MDN1: variants seen among roughly 807,000 people sequenced by gnomAD.
MDN1 encodes midasin AAA ATPase 1.
A neutral mutation model predicts 669.2 loss-of-function variants in MDN1; 266 were observed. The observed-to-expected ratio is 0.40, with a 90% confidence interval of 0.36 to 0.44. MDN1 has a LOEUF of 0.44. Ranked by LOEUF, MDN1 falls within the 20% of genes least tolerant of loss-of-function variation. The pLI is 1.00. For missense variants in MDN1, 5,940 were observed against 6,754.0 expected (o/e 0.88, Z 4.22); for synonymous variants, 2,385 against 2,457.1 (o/e 0.97, Z 0.87).
chr6:89,660,489 G>T lies in MDN1; in HGVS notation c.14713+942C>A, dbSNP rs187331845. On this transcript the variant is annotated intron_variant, in intron 88 of 101. Transcript: ENST00000369393. ...ACAAGCCTCTGCAACCAGCCTACTGGGTTTTTTTTTCCCATTATCTATTAT... is the reference window on the plus strand; with the variant it reads ...ACAAGCCTCTGCAACCAGCCTACTGTGTTTTTTTTTCCCATTATCTATTAT... 4.6e-3 allele frequency among the ~76,000 whole-genome samples: 684 copies of T among 148,984 alleles called. 8 individuals carry two copies. Among genetic ancestry groups the T allele is most frequent in the African/African-American group, 0.014 (585 of 40,646 alleles).
chr6:89,802,487 A>T (rs1167823986), intron 2 of MDN1, among the ~76,000 whole-genome samples: 1 of 152,244 alleles, frequency 6.6e-6, no homozygotes, highest in Non-Finnish European at 1.5e-5. Context: ...GATTGAGACC[A>T]TCCTGGCCAA....
chr6:89,814,782 G>A (rs912791875), intron 1 of MDN1: 2 of 433,498 alleles, frequency 4.6e-6, no homozygotes, highest in Non-Finnish European at 9.2e-6. Context: ...GTTAGCCATT[G>A]GGAGATCTCC....
Position 89,689,981 on chromosome 6 carries a change from G to A in MDN1, c.10912C>T (p.Leu3638Phe), listed in dbSNP as rs1418215485. ...QQLCLNFARSLWYQQTLPPHE... is the reference protein window; with the variant it reads ...QQLCLNFARSFWYQQTLPPHE... ...GGCGGCAGAGTCTGTTGATACCAGA[G>A]GGATCGAGCAAAGTTGAGACACAAT... is the stretch of plus-strand genomic sequence containing the variant. The change falls in exon 65 of 102, where the codon CTC becomes TTC. Residue 3638 changes from leucine (L) to phenylalanine (F), a missense_variant. Leu to Phe is a conservative substitution (Grantham distance 22). Coordinates refer to ENST00000369393, the MANE Select transcript of MDN1 (RefSeq NM_014611.3). 3 of 1,614,076 alleles carry A rather than the reference G, an allele frequency of 1.9e-6. No homozygotes were observed. Among genetic ancestry groups the A allele is most frequent in the African/African-American group, 2.7e-5 (2 of 74,928 alleles).
chr6:89,719,122 C>T lies in MDN1; in HGVS notation c.6057+14G>A. On this transcript the variant is annotated intron_variant, in intron 41 of 101. Transcript: ENST00000369393. ...AAAATGTCAAAGGATAGAGGATTAT[C>T]CTAGTCTCCTTACCTGAACATCATA... The T allele has an allele frequency of 6.2e-7, 1 of 1,612,244 alleles. No homozygotes were observed. Among genetic ancestry groups the T allele is most frequent in the South Asian group, 1.1e-5 (1 of 91,026 alleles).
chr6:89,788,153 T>C (rs796885374), intron 7 of MDN1, among the ~76,000 whole-genome samples, 196 bp from the exon 8 acceptor site: 2 of 152,254 alleles, frequency 1.3e-5, no homozygotes, highest in African/African-American at 4.8e-5. Context: ...ACACTCGACA[T>C]TCACGAGTGC....
intron 1 of MDN1, among the ~76,000 whole-genome samples, chr6:89,808,699 T>TG (rs1379257070): frequency 1.3e-5 from 2 of 152,154 alleles, no homozygotes; most frequent in African/African-American, 4.8e-5. Context: ...GGACCACCAC[T>TG]GCTGAACTTC....
At chr6:89,815,913 C>T (rs530525918) in intron 1 of MDN1, among the ~76,000 whole-genome samples, 2 of 152,312 alleles carry the variant, frequency 1.3e-5, no homozygotes, top group South Asian at 4.1e-4. Context: ...GGCTTAAACC[C>T]TGGGCTCACA....
At chr6:89,665,475 G>A (rs1238525329) in intron 84 of MDN1, among the ~76,000 whole-genome samples, 1 of 152,090 alleles carries the variant, frequency 6.6e-6, no homozygotes, top group Non-Finnish European at 1.5e-5. Context: ...TTGGGAGGCT[G>A]AGGCGGGTGG....
At chr6:89,750,234 A>G in intron 24 of MDN1, 120 bp downstream of exon 24, 1 of 1,011,274 alleles carries the variant, frequency 9.9e-7, no homozygotes, top group Non-Finnish European at 1.5e-6. Context: ...GCATCAAGAA[A>G]AGCCGGCTGT....
chr6:89,794,994 CAG>C lies in MDN1; in HGVS notation c.330-195_330-194del, dbSNP rs1819502350. Among the ~76,000 whole-genome samples, 4 of 152,128 alleles carry C rather than the reference CAG, an allele frequency of 2.6e-5. No individual in the cohort carries two copies. The South Asian group carries it at 8.3e-4, about 31-fold the overall frequency. ...TCTCTACTCTGACCAAACCACAAAACAGAACTCCCAAGGGTCTGAGAACATAG... is the reference window on the plus strand; with the variant it reads ...TCTCTACTCTGACCAAACCACAAAACAACTCCCAAGGGTCTGAGAACATAG... On this transcript the variant is annotated intron_variant, in intron 2 of 101. Transcript: ENST00000369393.
chr6:89,684,256 T>C (rs1443178602), intron 71 of MDN1, among the ~76,000 whole-genome samples: 3 of 151,966 alleles, frequency 2.0e-5, no homozygotes, highest in East Asian at 1.9e-4. Context: ...GGCAGGAGAA[T>C]TGCTTGAACC....
chr6:89,783,326 G>GTTAAGATAAGGACC (rs1683097463), intron 9 of MDN1, among the ~76,000 whole-genome samples: 3 of 152,116 alleles, frequency 2.0e-5, no homozygotes, highest in African/African-American at 4.8e-5. Flanking sequence ...GTCTTATGCG[G>GTTAAGATAAGGACC]TTAAGATAAG....
Position 89,743,698 on chromosome 6 carries a change from T to G in MDN1, c.4195A>C (p.Ile1399Leu), listed in dbSNP as rs149263760. ...GCCAAGGCTGCAAATACCTGACAGATAGTAGTTTTCCCACACCTGTTAGAG... is the reference window on the plus strand; with the variant it reads ...GCCAAGGCTGCAAATACCTGACAGAGAGTAGTTTTCCCACACCTGTTAGAG... ...VGDTGCGKTT[I>L]CQVFAALANQ... Residue 1399 changes from isoleucine (I) to leucine (L), a missense_variant, in exon 30 of 102, where the codon ATC (isoleucine) becomes CTC (leucine). This residue lies in a region of MDN1 where 2,292 missense variants were observed against 2,638.3 expected (regional missense o/e 0.87). Coordinates refer to ENST00000369393, the MANE Select transcript of MDN1 (RefSeq NM_014611.3). 3.1e-6 allele frequency: 5 copies of G among 1,614,026 alleles called. No individual in the cohort carries two copies. The highest frequency in any genetic ancestry group is 4.5e-5 in the East Asian group (2 of 44,876).
intron 72 of MDN1, 117 bp downstream of exon 72, chr6:89,683,714 T>C (rs564032196): frequency 2.5e-5 from 19 of 747,000 alleles, no homozygotes; most frequent in Non-Finnish European, 4.1e-5. Context: ...GTGTTATTTT[T>C]TGAGAAGTTT....
chr6:89,657,701 G>A (rs570388098), intron 90 of MDN1, among the ~76,000 whole-genome samples: 46 of 152,248 alleles, frequency 3.0e-4, no homozygotes, highest in African/African-American at 1.0e-3. Flanking sequence ...CCGATATTCC[G>A]GGGTTTGTCC....
Position 89,692,917 on chromosome 6 carries a change from C to T in MDN1, c.10113G>A (p.Glu3371=), listed in dbSNP as rs1226340786. The T allele has an allele frequency of 1.9e-6, 3 of 1,614,222 alleles. No individual in the cohort carries two copies. In the African/African-American group the frequency reaches 4.0e-5, roughly 22 times the overall value. The change falls in exon 63 of 102, where the codon GAG becomes GAA. Residue 3371 remains glutamate (E), a synonymous_variant. Coordinates refer to ENST00000369393, the MANE Select transcript of MDN1 (RefSeq NM_014611.3). ...SAQVAQSLLK[E]EASWQQSHHQ... ...GGTGTGACTGCTGCCAAGAGGCCTC[C>T]TCCTTTAGAAGGCTCTGGGCTACTT...
rs1562155495 is a variant in MDN1 at position 89,732,790 on chromosome 6, C to A, written c.4724-15G>T. 2.9e-5 allele frequency: 47 copies of A among 1,603,066 alleles called. No homozygotes were observed. The highest frequency in any genetic ancestry group is 3.3e-4 in the Middle Eastern group (2 of 5,978). Reference sequence around the variant, plus strand: ...TATGTCAGACCCTAAACACAAGAAACAAAAAAAGCATTTGCTGTTAACGGG... The same window carrying A: ...TATGTCAGACCCTAAACACAAGAAAAAAAAAAAGCATTTGCTGTTAACGGG... On this transcript the variant is annotated splice_polypyrimidine_tract_variant and intron_variant, in intron 33 of 101. Transcript: ENST00000369393.
chr6:89,709,327 C>T (rs1287144559), intron 50 of MDN1, among the ~76,000 whole-genome samples: 1 of 152,332 alleles, frequency 6.6e-6, no homozygotes, highest in Non-Finnish European at 1.5e-5. Context: ...CCAGGACATA[C>T]TGTGAACAGC....
chr6:89,714,983 T>C (rs1030137766), intron 45 of MDN1, among the ~76,000 whole-genome samples: 1 of 152,176 alleles, frequency 6.6e-6, no homozygotes, highest in African/African-American at 2.4e-5. Context: ...CTGAGAACTT[T>C]AAAAATTTAA....
Sources: gnomAD v4.1 joint callset for allele counts (sites outside exome capture counted in the v4.1 genomes callset) on GRCh38, gnomAD v4.1.1 for gene constraint, gnomAD v4.1.1 regional missense constraint, MANE v1.5 for transcripts, NCBI Gene and HGNC (gene_info 2026-07-23, HGNC 2026-07-21) for gene names.